The following PGBD5 variants were observed in gnomAD, a reference collection of about 807,000 sequenced individuals.
PGBD5 encodes piggyBac transposable element-derived protein 5.
Under a neutral mutation model 47.9 loss-of-function variants are expected in PGBD5, and 14 were observed. The observed-to-expected ratio is 0.29, with a 90% CI of 0.19 to 0.46. The LOEUF is 0.46. Ranked by LOEUF, PGBD5 falls within the 20% of genes least tolerant of loss-of-function variation. The pLI is 1.00. For missense variants in PGBD5, 635 were observed against 716.0 expected, an observed-to-expected ratio of 0.89 and a Z score of 1.29; for synonymous variants, 316 against 306.3, an observed-to-expected ratio of 1.03 and a Z score of -0.33.
chr1:230,329,895 G>T (rs1041050906), intron 5 of PGBD5, among the ~76,000 whole-genome samples: 11 of 152,196 alleles, frequency 7.2e-5, no homozygotes, highest in Non-Finnish European at 1.3e-4. Flanking sequence ...TACTTATCTG[G>T]CCTTGGGACA....
intron 1 of PGBD5, among the ~76,000 whole-genome samples, chr1:230,393,444 G>A (rs1209556397): frequency 1.3e-5 from 2 of 152,074 alleles, no homozygotes; most frequent in African/African-American, 4.8e-5. Flanking sequence ...CTTTAAGGAG[G>A]TGACTCACAG....
intron 1 of PGBD5, among the ~76,000 whole-genome samples, chr1:230,359,999 T>C (rs949942697): frequency 7.9e-5 from 12 of 152,130 alleles, no homozygotes; most frequent in African/African-American, 2.7e-4. Context: ...CCACACCTAC[T>C]CCTAATGAAA....
chr1:230,397,023 G>A (rs1257949131), intron 1 of PGBD5, among the ~76,000 whole-genome samples: 1 of 152,216 alleles, frequency 6.6e-6, no homozygotes, highest in Admixed American at 6.5e-5. Flanking sequence ...GCTGGGAGGT[G>A]CACTGTTGTC....
chr1:230,418,183 C>A (rs1657558812), intron 1 of PGBD5, among the ~76,000 whole-genome samples: 1 of 152,176 alleles, frequency 6.6e-6, no homozygotes, highest in Non-Finnish European at 1.5e-5. Flanking sequence ...CAATCCCACT[C>A]CTAGGTATAC....
intron 1 of PGBD5, among the ~76,000 whole-genome samples, chr1:230,364,150 T>C (rs1433059507): frequency 6.6e-6 from 1 of 152,256 alleles, no homozygotes; most frequent in East Asian, 1.9e-4. Flanking sequence ...GTGAACAAAC[T>C]TGATTCTCAG....
rs915370634 is a variant in PGBD5, at chr1:230,315,774, G to GTATA, written c.*7650_*7651insTATA. On this transcript the variant is annotated 3_prime_UTR_variant, in exon 7 of 7. Coordinates refer to ENST00000391860, the MANE Select transcript of PGBD5 (RefSeq NM_001258311.2). ...ATATACACATACATATATTATAGATGTATGCATATATGTATATATGTATAC... is the reference window on the plus strand; with the variant it reads ...ATATACACATACATATATTATAGATGTATATATGCATATATGTATATATGTATAC... 3 of 149,024 alleles carry GTATA rather than the reference G, an allele frequency of 2.0e-5. No homozygotes were observed. The highest frequency in any genetic ancestry group is 7.4e-5 in the African/African-American group (3 of 40,566). The allele number at this position is 149,024 out of a possible 1,614,324, so 9.2% of individuals were successfully genotyped here.
rs1486990768 is a variant in PGBD5 at position 230,318,219 on chromosome 1, C to T, written c.*5206G>A. On this transcript the variant is annotated 3_prime_UTR_variant, in exon 7 of 7. Transcript: ENST00000391860. ...TATTTTATGGCAACAGCTCTAAGTG[C>T]CACTTTGGTACCTGATACTCTTTAT... 1.3e-5 allele frequency: 2 copies of T among 152,200 alleles called. No homozygotes were observed. Among genetic ancestry groups the T allele is most frequent in the Non-Finnish European group, 2.9e-5 (2 of 68,056 alleles). The allele number at this position is 152,200 out of a possible 1,614,324, so 9.4% of individuals were successfully genotyped here.
chr1:230,367,518 A>G (rs752667535), intron 1 of PGBD5, among the ~76,000 whole-genome samples: 1 of 152,108 alleles, frequency 6.6e-6, no homozygotes, highest in Non-Finnish European at 1.5e-5. Flanking sequence ...CCTGGACAAG[A>G]TAGTGATACC....
intron 5 of PGBD5, 86 bp downstream of exon 5, chr1:230,332,758 A>G: frequency 6.7e-7 from 1 of 1,487,960 alleles, no homozygotes; most frequent in Non-Finnish European, 9.3e-7. Context: ...CCCACAGTGG[A>G]CGCCACATCC....
At chr1:230,363,723 T>C (rs1667785160) in intron 1 of PGBD5, among the ~76,000 whole-genome samples, 2 of 152,210 alleles carry the variant, frequency 1.3e-5, no homozygotes, top group African/African-American at 4.8e-5. Context: ...TTTTGTGATA[T>C]AGATAGAATC....
Position 230,357,394 on chromosome 1 carries a change from A to C in PGBD5, c.332-73T>G. The C allele has an allele frequency of 6.6e-7, 1 of 1,509,420 alleles. No homozygotes were observed. 93.5% of individuals were successfully genotyped at this position (1,509,420 alleles called of 1,614,324 possible). ...CCTGACTCGACACGAGAACGGCTGC[A>C]TTTCCAATCCCTGGGTCCCTGGCCG... On this transcript the variant is annotated intron_variant, in intron 1 of 6. Transcript: ENST00000391860. This position sits in a 1 kb window ranked among gnomAD's most constrained non-coding sequence, Gnocchi z 5.7.
chr1:230,404,032 G>A (rs1283667893), intron 1 of PGBD5, among the ~76,000 whole-genome samples: 3 of 152,160 alleles, frequency 2.0e-5, no homozygotes, highest in African/African-American at 7.2e-5. Flanking sequence ...GAGAAGAAAG[G>A]TGGGCACATA....
intron 1 of PGBD5, among the ~76,000 whole-genome samples, chr1:230,410,119 A>T (rs776560362): frequency 5.3e-5 from 8 of 152,242 alleles, no homozygotes; most frequent in Non-Finnish European, 1.0e-4. Flanking sequence ...GAAGGCAGGG[A>T]TGGCAAAATT....
intron 1 of PGBD5, among the ~76,000 whole-genome samples, chr1:230,382,348 G>C (rs529294556): frequency 5.3e-5 from 8 of 152,342 alleles, no homozygotes; most frequent in African/African-American, 1.7e-4. Context: ...GGAATTTCAG[G>C]AATGTCCACT....
At chr1:230,378,927 T>A (rs924292230) in intron 1 of PGBD5, among the ~76,000 whole-genome samples, 3 of 152,070 alleles carry the variant, frequency 2.0e-5, no homozygotes, top group African/African-American at 7.2e-5. Flanking sequence ...AGGTGATGTA[T>A]GTACAAGGTG....
intron 1 of PGBD5, among the ~76,000 whole-genome samples, chr1:230,423,035 A>C (rs992170234): frequency 6.6e-6 from 1 of 150,800 alleles, no homozygotes; most frequent in Non-Finnish European, 1.5e-5. Context: ...AAAAAAAAAA[A>C]CCAAAAACCT....
intron 1 of PGBD5, among the ~76,000 whole-genome samples, chr1:230,407,340 T>C (rs747828581): frequency 6.6e-6 from 1 of 152,206 alleles, no homozygotes; most frequent in Non-Finnish European, 1.5e-5. Context: ...TTTTCAGTAG[T>C]TAGAAGATGA....
At chr1:230,424,887 C>A (rs983549222) in intron 1 of PGBD5, among the ~76,000 whole-genome samples, 1 of 152,228 alleles carries the variant, frequency 6.6e-6, no homozygotes, top group Admixed American at 6.5e-5. Context: ...TGCCAGCACC[C>A]TAGCCACCTT....
At chr1:230,419,987 G>A (rs1028945908) in intron 1 of PGBD5, among the ~76,000 whole-genome samples, 3 of 152,056 alleles carry the variant, frequency 2.0e-5, no homozygotes, top group South Asian at 2.1e-4. Flanking sequence ...TTAGCCAGGC[G>A]TGGTGGTGCG....
Sources: gnomAD v4.1 joint callset for allele counts (sites outside exome capture counted in the v4.1 genomes callset) on GRCh38, gnomAD v4.1.1 for gene constraint, Gnocchi (gnomAD v3.1) non-coding constraint, MANE v1.5 for transcripts, NCBI Gene and HGNC (gene_info 2026-07-23, HGNC 2026-07-21) for gene names.